Variants in ITGB4 observed in about 807,000 individuals in gnomAD.
The protein encoded by ITGB4 is integrin beta-4.
ITGB4 carries 159 observed loss-of-function variants against 207.6 expected under a neutral mutation model. That is an observed-to-expected ratio of 0.77 (90% CI 0.67 to 0.87). The LOEUF is 0.87. Among genes scored for constraint, ITGB4 ranks in the 40% least tolerant of loss-of-function variants. The probability of loss-of-function intolerance (pLI) is 0.00; values close to 1 mark genes in which losing one functional copy is unlikely to be tolerated. For missense variants in ITGB4, 2,278 were observed against 2,546.8 expected, an observed-to-expected ratio of 0.89 and a Z score of 2.27; for synonymous variants, 1,020 against 1,062.7, an observed-to-expected ratio of 0.96 and a Z score of 0.78.
At chr17:75,734,504 A>G (rs1274065325) in intron 13 of ITGB4, among the ~76,000 whole-genome samples, 1 of 152,086 alleles carries the variant, frequency 6.6e-6, no homozygotes, top group African/African-American at 2.4e-5. Flanking sequence ...CTGTATTCCC[A>G]TGGGTCCAGG....
intron 5 of ITGB4, 39 bp from the exon 6 acceptor site, chr17:75,728,338 A>AGGGCTCAGCTATCCCCTCTCT: frequency 6.3e-7 from 1 of 1,581,234 alleles, no homozygotes; most frequent in Non-Finnish European, 8.7e-7. Flanking sequence ...GCCAGGCATC[A>AGGGCTCAGCTATCCCCTCTCT]GGGCTCAGCT....
In ITGB4 at chr17:75,748,922, C is replaced by G. The variant is rs2061298413; in HGVS notation, c.3193C>G (p.Gln1065Glu). 6.2e-7 allele frequency: 1 copy of G among 1,613,350 alleles called. No homozygotes were observed. The highest frequency in any genetic ancestry group is 1.3e-5 in the African/African-American group (1 of 75,042). Residue 1065 changes from glutamine to glutamate, a missense_variant, in exon 27 of 40, where the codon CAA becomes GAA. By Grantham distance (29) the Gln-to-Glu change is conservative. Coordinates refer to ENST00000200181, the MANE Select transcript of ITGB4 (RefSeq NM_000213.5). The stretch of plus-strand genomic sequence containing the variant: ...GCTGCAGGTGAAGCTCCTGGAGCTG[C>G]AAGAAGTTGACTCCCTCCTGCGGGG... ...KELQVKLLEL[Q>E]EVDSLLRGRQ...
At chr17:75,728,339 G>C in intron 5 of ITGB4, 38 bp from the exon 6 acceptor site, 1 of 1,585,922 alleles carries the variant, frequency 6.3e-7, no homozygotes, top group Non-Finnish European at 8.7e-7. Context: ...CCAGGCATCA[G>C]GGCTCAGCTA....
rs1226777452 is a variant in ITGB4 at position 75,730,596 on chromosome 17, CCCTCCCTTCCTCCCTT to C, written c.1002+100_1002+115del. The stretch of plus-strand genomic sequence containing the variant: ...CCTCTCCCTCCCTCCCTCCCTCCCT[CCCTCCCTTCCTCCCTT>C]CCTCCCTCCCTCTTTTCCTCCCTTT... On this transcript the variant is annotated intron_variant, in intron 8 of 39. Coordinates refer to ENST00000200181, the MANE Select transcript of ITGB4 (RefSeq NM_000213.5). 2.9e-4 allele frequency: 337 copies of C among 1,153,130 alleles called. 2 individuals carry two copies. Among genetic ancestry groups the C allele is most frequent in the South Asian group, 2.5e-3 (175 of 69,708 alleles). 71.4% of individuals were successfully genotyped at this position (1,153,130 alleles called of 1,614,324 possible).
intron 37 of ITGB4, 28 bp from the exon 38 acceptor site, chr17:75,756,915 A>T (rs1275065068): frequency 1.9e-6 from 3 of 1,612,298 alleles, no homozygotes; most frequent in East Asian, 2.2e-5. Flanking sequence ...AGGGGGCCGC[A>T]GACGCTGAAG....
In ITGB4 at chr17:75,736,088, G is replaced by C. The variant is rs2060968572; in HGVS notation, c.1695G>C (p.Glu565Asp). The change falls in exon 14 of 40, where the codon GAG becomes GAC. Residue 565 changes from glutamate to aspartate, a missense_variant. Physicochemically the swap from Glu to Asp is conservative, Grantham distance 45. Transcript: ENST00000200181. ...GCTCCATGGGCCAGTGTGTGTGTGA[G>C]CCTGGTTGGACAGGCCCAAGCTGTG... is the stretch of plus-strand genomic sequence containing the variant. ...GRCSMGQCVC[E>D]PGWTGPSCDC... is the part of the protein sequence containing the mutation. 2 of 1,614,034 alleles carry C rather than the reference G, an allele frequency of 1.2e-6. No individual in the cohort carries two copies. The highest frequency in any genetic ancestry group is 1.7e-6 in the Non-Finnish European group (2 of 1,180,022).
At chr17:75,737,238 A>G in intron 16 of ITGB4, 84 bp from the exon 17 acceptor site, 2 of 1,522,016 alleles carry the variant, frequency 1.3e-6, no homozygotes, top group Admixed American at 2.0e-5. Context: ...CAGATCGCAG[A>G]GTAGGGGCCC....
rs200989039 is a variant in ITGB4, at chr17:75,754,603, T to C, written c.4346T>C (p.Phe1449Ser). Residue 1449 changes from phenylalanine (F) to serine (S), a missense_variant, in exon 34 of 40, where the codon TTT becomes TCT. By Grantham distance (155) the Phe-to-Ser change is radical. Coordinates refer to ENST00000200181, the MANE Select transcript of ITGB4 (RefSeq NM_000213.5). ...GEHLVNGRMDFAFPGSTNSLH... is the reference protein window; with the variant it reads ...GEHLVNGRMDSAFPGSTNSLH... ...CACCTGGTGAATGGCCGGATGGACT[T>C]TGCCTTCCCGGGCAGCACCAACTCC... 9 of 1,613,724 alleles carry C rather than the reference T, an allele frequency of 5.6e-6. No individual in the cohort carries two copies. The East Asian group carries it at 8.9e-5, about 16-fold the overall frequency.
In ITGB4 at chr17:75,727,773, C is replaced by T. The variant is rs140040189; in HGVS notation, c.387C>T (p.Pro129=). 8.9e-5 allele frequency: 143 copies of T among 1,614,066 alleles called. 1 individual carries two copies. In the African/African-American group the frequency reaches 1.4e-3, roughly 16 times the overall value. The part of the protein sequence containing the change: ...ELEVFEPLES[P]VDLYILMDFS... The stretch of plus-strand genomic sequence containing the variant: ...AGGTGTTTGAGCCACTGGAGAGCCC[C>T]GTGGACCTGTACATCCTCATGGACT... Residue 129 remains proline, a synonymous_variant, in exon 5 of 40, where the codon CCC becomes CCT. Coordinates refer to ENST00000200181, the MANE Select transcript of ITGB4 (RefSeq NM_000213.5). This position sits in a 1 kb window ranked among gnomAD's most constrained non-coding sequence, Gnocchi z 6.0.
In ITGB4 at chr17:75,757,659, C is replaced by T. The variant is rs768411121; in HGVS notation, c.*104C>T. Reference sequence around the variant, plus strand: ...TCCTTGCACCCCTGGGGGCCCAGCCCACCCGCATGCACAGAGCAGGGGCTA... The same window carrying T: ...TCCTTGCACCCCTGGGGGCCCAGCCTACCCGCATGCACAGAGCAGGGGCTA... On this transcript the variant is annotated 3_prime_UTR_variant, in exon 40 of 40. Coordinates refer to ENST00000200181, the MANE Select transcript of ITGB4 (RefSeq NM_000213.5). The T allele has an allele frequency of 1.6e-4, 243 of 1,478,278 alleles. No individual in the cohort carries two copies. Among genetic ancestry groups the T allele is most frequent in the Non-Finnish European group, 2.2e-4 (230 of 1,061,486 alleles). 91.6% of individuals were successfully genotyped at this position (1,478,278 alleles called of 1,614,324 possible).
chr17:75,730,751 C>T lies in ITGB4; in HGVS notation c.1003-124C>T, dbSNP rs1035708179. ...CCCAAGCAGGTGGGGGCTAAGAGGG[C>T]AGGCTCTGCGACACCACAGTAGGTT... On this transcript the variant is annotated intron_variant, in intron 8 of 39. Transcript: ENST00000200181. The T allele has an allele frequency of 2.9e-5, 31 of 1,064,970 alleles. No individual in the cohort carries two copies. In the African/African-American group the frequency reaches 4.3e-4, roughly 15 times the overall value. 66.0% of individuals were successfully genotyped at this position (1,064,970 alleles called of 1,614,324 possible). A position where few individuals can be genotyped will look rare whatever the true frequency, so the allele number is the denominator to read the frequency against.
At position 75,754,776 on chromosome 17, in the gene ITGB4, C is replaced by A; in HGVS notation, c.4519C>A (p.Pro1507Thr). 1 of 1,612,580 alleles carries A rather than the reference C, an allele frequency of 6.2e-7. No homozygotes were observed. Among genetic ancestry groups the A allele is most frequent in the Non-Finnish European group, 8.5e-7 (1 of 1,178,944 alleles). ...RSEHSHSTTL[P>T]RDYSTLTSVS... is the part of the protein sequence containing the mutation. ...AGAACACTCACACTCGACCACACTG[C>A]CCAGGGACTACTCCACCCTCACCTC... is the stretch of plus-strand genomic sequence containing the variant. The change falls in exon 34 of 40, where the codon CCC (proline) becomes ACC (threonine). Residue 1507 changes from proline (P) to threonine (T), a missense_variant. Transcript: ENST00000200181.
Position 75,729,188 on chromosome 17 carries a change from T to C in ITGB4, c.567-77T>C. On this transcript the variant is annotated intron_variant, in intron 6 of 39. Transcript: ENST00000200181. This position sits in a 1 kb window ranked among gnomAD's most constrained non-coding sequence, Gnocchi z 4.4. ...AAAAAAAAAAAAATTCTCCTTCTAG[T>C]TGAAACGAGCCAGGGGCACTGGGGT... is the stretch of plus-strand genomic sequence containing the variant. 7.2e-7 allele frequency: 1 copy of C among 1,396,564 alleles called. No individual in the cohort carries two copies. The highest frequency in any genetic ancestry group is 1.3e-5 in the South Asian group (1 of 79,266). 86.5% of individuals were successfully genotyped at this position (1,396,564 alleles called of 1,614,324 possible). A position where few individuals can be genotyped will look rare whatever the true frequency, so the allele number is the denominator to read the frequency against.
rs199539918 is a variant in ITGB4, at chr17:75,742,395, G to T, written c.2688G>T (p.Pro896=). The T allele has an allele frequency of 1.9e-6, 3 of 1,613,376 alleles. No homozygotes were observed. The highest frequency in any genetic ancestry group is 1.7e-6 in the Non-Finnish European group (2 of 1,179,996). Residue 896 remains proline (P), a synonymous_variant, in exon 24 of 40, where the codon CCG becomes CCT. Transcript: ENST00000200181. The surrounding 1 kb of genome is among the most constrained non-coding windows in gnomAD (Gnocchi z 5.9). ...TGATGGCGCCCCGCTCGGCCAAGCCGGCCCTGCTGAAGCTTACAGAGAAGC... is the reference window on the plus strand; with the variant it reads ...TGATGGCGCCCCGCTCGGCCAAGCCTGCCCTGCTGAAGCTTACAGAGAAGC... ...TVLMAPRSAK[P]ALLKLTEKQV...
In ITGB4 at chr17:75,757,549, A is replaced by G. The variant is rs749641606; in HGVS notation, c.5463A>G (p.Gln1821=). 2 of 1,613,128 alleles carry G rather than the reference A, an allele frequency of 1.2e-6. No individual in the cohort carries two copies. The highest frequency in any genetic ancestry group is 3.3e-5 in the Admixed American group (2 of 60,010). The change falls in exon 40 of 40, where the codon CAA becomes CAG. Residue 1821 remains glutamine, a synonymous_variant. Coordinates refer to ENST00000200181, the MANE Select transcript of ITGB4 (RefSeq NM_000213.5). ...LSTHMDQQFF[Q]T is the part of the protein sequence containing the mutation. ...CCCACATGGACCAACAGTTCTTCCA[A>G]ACTTGACCGCACCCTGCCCCACCCC...
In ITGB4 at chr17:75,727,705, C is replaced by A. The variant is rs777522343; in HGVS notation, c.319C>A (p.Arg107=). ...RRSQMSPQGL[R]VRLRPGEERH... ...CAGCCAGATGTCCCCCCAAGGCCTG[C>A]GGGTCCGTCTGCGGCCCGGTGAGGA... Residue 107 remains arginine, a synonymous_variant, in exon 5 of 40, where the codon CGG becomes AGG. Transcript: ENST00000200181. The surrounding 1 kb of genome is among the most constrained non-coding windows in gnomAD (Gnocchi z 6.0). The A allele has an allele frequency of 6.2e-7, 1 of 1,612,664 alleles. No homozygotes were observed. The highest frequency in any genetic ancestry group is 8.5e-7 in the Non-Finnish European group (1 of 1,179,666).
chr17:75,747,919 T>C (rs1029972456), intron 26 of ITGB4, among the ~76,000 whole-genome samples: 10 of 152,132 alleles, frequency 6.6e-5, no homozygotes, highest in Non-Finnish European at 1.5e-4. Flanking sequence ...ACTTTCTGAG[T>C]TGGGTGGCAT....
intron 32 of ITGB4, 133 bp downstream of exon 32, chr17:75,752,710 A>G (rs2061397496): frequency 5.3e-6 from 6 of 1,138,138 alleles, no homozygotes; most frequent in African/African-American, 4.6e-5. Context: ...GACAAATGCA[A>G]TGGAGTGCAC....
intron 17 of ITGB4, 46 bp downstream of exon 17, chr17:75,737,490 C>A: frequency 6.4e-7 from 1 of 1,553,818 alleles, no homozygotes; most frequent in Non-Finnish European, 8.7e-7. Flanking sequence ...GTGGCCAGAG[C>A]TCGGTGGGGA....
Sources: allele counts gnomAD v4.1 joint callset (sites outside exome capture counted in the v4.1 genomes callset), GRCh38; gene constraint gnomAD v4.1.1; non-coding constraint Gnocchi (gnomAD v3.1); transcripts MANE v1.5; gene names NCBI Gene and HGNC (gene_info 2026-07-23, HGNC 2026-07-21).